USP45: variants seen among roughly 807,000 people sequenced by gnomAD.
USP45 encodes ubiquitin carboxyl-terminal hydrolase 45.
USP45 carries 89 observed loss-of-function variants against 95.8 expected under a neutral mutation model. That is an observed-to-expected ratio of 0.93 (90% CI 0.78 to 1.11). The LOEUF is 1.11. USP45 is among the 50% of genes least tolerant of loss of function. USP45 has a pLI of 0.00. For synonymous variants in USP45, 281 were observed against 316.2 expected (o/e 0.89, Z 1.18); for missense variants, 898 against 942.5 (o/e 0.95, Z 0.62).
chr6:99,447,801 G>A (rs1782872441), intron 13 of USP45, among the ~76,000 whole-genome samples: 1 of 152,150 alleles, frequency 6.6e-6, no homozygotes, highest in Non-Finnish European at 1.5e-5. Context: ...CCCCCAGTAG[G>A]GGCACACTGA....
chr6:99,477,717 C>T (rs925747678), intron 8 of USP45, among the ~76,000 whole-genome samples: 3 of 152,184 alleles, frequency 2.0e-5, no homozygotes, highest in African/African-American at 7.2e-5. Flanking sequence ...AACCGGTCAT[C>T]AATCCAGCCT....
chr6:99,501,617 A>G (rs1797378890), intron 5 of USP45: 1 of 154,950 alleles, frequency 6.5e-6, no homozygotes, highest in Non-Finnish European at 1.4e-5. Flanking sequence ...CCTAGAGGGC[A>G]AGATAAAACT....
intron 5 of USP45, among the ~76,000 whole-genome samples, chr6:99,495,342 C>T (rs1322245741): frequency 6.6e-6 from 1 of 152,154 alleles, no homozygotes; most frequent in Non-Finnish European, 1.5e-5. Flanking sequence ...TCTTTCTTTT[C>T]CCAAAGGTGT....
At chr6:99,503,937 T>C in intron 4 of USP45, 72 bp from the exon 5 acceptor site, 1 of 1,115,052 alleles carries the variant, frequency 9.0e-7, no homozygotes, top group Non-Finnish European at 1.2e-6. Flanking sequence ...GATAACAAAG[T>C]TGGTATTTAG....
intron 15 of USP45, among the ~76,000 whole-genome samples, chr6:99,441,489 G>T (rs774127050): frequency 6.6e-6 from 1 of 151,242 alleles, no homozygotes; most frequent in Non-Finnish European, 1.5e-5. Context: ...CCGAGATCGC[G>T]CCATTGCACT....
intron 5 of USP45, among the ~76,000 whole-genome samples, chr6:99,499,846 T>A (rs1276527026): frequency 6.6e-6 from 1 of 152,256 alleles, no homozygotes; most frequent in Non-Finnish European, 1.5e-5. Flanking sequence ...CTGAACATTA[T>A]ATCCCTCTTT....
At chr6:99,487,391 T>C (rs1794164544) in intron 7 of USP45, among the ~76,000 whole-genome samples, 1 of 152,192 alleles carries the variant, frequency 6.6e-6, no homozygotes, top group Non-Finnish European at 1.5e-5. Context: ...CTGAATAACA[T>C]GGCCTAACTG....
intron 13 of USP45, among the ~76,000 whole-genome samples, chr6:99,454,896 G>T (rs1784667681): frequency 6.6e-6 from 1 of 151,700 alleles, no homozygotes; most frequent in Admixed American, 6.6e-5. Flanking sequence ...AGACCATCCT[G>T]GCCAACATGG....
chr6:99,496,424 C>A (rs1796313857), intron 5 of USP45, among the ~76,000 whole-genome samples: 1 of 151,734 alleles, frequency 6.6e-6, no homozygotes, highest in African/African-American at 2.4e-5. Context: ...AAAGATACAG[C>A]AAACTCATAC....
At chr6:99,506,908 T>C (rs1798650941) in intron 4 of USP45, among the ~76,000 whole-genome samples, 1 of 152,032 alleles carries the variant, frequency 6.6e-6, no homozygotes, top group Non-Finnish European at 1.5e-5. Context: ...AGGAAAATGA[T>C]AGAGAAAAGT....
chr6:99,443,309 T>C (rs1298748588), intron 15 of USP45, among the ~76,000 whole-genome samples: 4 of 152,116 alleles, frequency 2.6e-5, no homozygotes, highest in Non-Finnish European at 5.9e-5. Flanking sequence ...CAAAACTTAT[T>C]TTCTATTACC....
chr6:99,473,076 T>C lies in USP45; in HGVS notation c.933+3067A>G, dbSNP rs11753752. 3.8e-3 allele frequency among the ~76,000 whole-genome samples: 576 copies of C among 152,262 alleles called. 4 individuals are homozygous for C. Among genetic ancestry groups the C allele is most frequent in the Non-Finnish European group, 6.7e-3 (454 of 68,026 alleles). ...CAATGTAGGTAAAACAACACAGTAT[T>C]ATCCTGTCGGTTTATTAGTTTATTC... On this transcript the variant is annotated intron_variant, in intron 9 of 17. Coordinates refer to ENST00000500704, the MANE Select transcript of USP45 (RefSeq NM_001346022.3).
chr6:99,479,466 G>A (rs1250105586), intron 8 of USP45, among the ~76,000 whole-genome samples: 3 of 151,834 alleles, frequency 2.0e-5, no homozygotes, highest in African/African-American at 7.3e-5. Context: ...CTCCCAAACT[G>A]CTGGGATTAC....
intron 13 of USP45, among the ~76,000 whole-genome samples, chr6:99,455,818 C>CT (rs1491584891): frequency 2.1e-4 from 9 of 42,474 alleles, no homozygotes; most frequent in Middle Eastern, 0.02. Context: ...TATGTGAGAG[C>CT]TAAAAAAAAA....
chr6:99,473,027 C>CT (rs67592484), intron 9 of USP45, among the ~76,000 whole-genome samples: 7,325 of 148,774 alleles, frequency 0.049, 235 homozygotes, highest in East Asian at 0.14. Context: ...TTATAAATCT[C>CT]TTTTTTTTTT....
At chr6:99,437,094 CTCAATCAATCAA>C (rs112767733) in intron 17 of USP45, 140 bp downstream of exon 17, 10 of 762,094 alleles carry the variant, frequency 1.3e-5, no homozygotes, top group South Asian at 9.6e-5. Context: ...GAGACTCTGT[CTCAATCAATCAA>C]TCAATCAATC....
At chr6:99,473,236 C>T (rs1398984135) in intron 9 of USP45, among the ~76,000 whole-genome samples, 1 of 152,002 alleles carries the variant, frequency 6.6e-6, no homozygotes, top group East Asian at 1.9e-4. Flanking sequence ...ACATACAACT[C>T]ATTCAAAAAA....
rs1019960902 is a variant in USP45, at chr6:99,446,882, T to A, written c.1309-419A>T. On this transcript the variant is annotated intron_variant, in intron 13 of 17. Coordinates refer to ENST00000500704, the MANE Select transcript of USP45 (RefSeq NM_001346022.3). ...CCTCAGCCTCCCATGTAGTTACTACTACAAGTATGTACCACCATACCTGGC... is the reference window on the plus strand; with the variant it reads ...CCTCAGCCTCCCATGTAGTTACTACAACAAGTATGTACCACCATACCTGGC... Among the ~76,000 whole-genome samples the A allele has an allele frequency of 3.9e-5, 6 of 152,208 alleles. No homozygotes were observed. In the South Asian group the frequency reaches 1.2e-3, roughly 32 times the overall value.
chr6:99,461,649 T>A, intron 13 of USP45: 1 of 983,508 alleles, frequency 1.0e-6, no homozygotes, highest in Non-Finnish European at 1.2e-6. Context: ...TCATTCTTCA[T>A]ATTAAGTTTT....
Sources: gnomAD v4.1 joint callset for allele counts (sites outside exome capture counted in the v4.1 genomes callset) on GRCh38, gnomAD v4.1.1 for gene constraint, MANE v1.5 for transcripts, NCBI Gene and HGNC (gene_info 2026-07-23, HGNC 2026-07-21) for gene names.